Variants in CCDC171 observed in about 807,000 individuals in gnomAD.
The protein encoded by CCDC171 is coiled-coil domain containing 171.
Under a neutral mutation model 168.2 loss-of-function variants are expected in CCDC171, and 177 were observed. That is an observed-to-expected ratio of 1.05 (90% CI 0.93 to 1.19). The LOEUF is 1.19. Ranked by LOEUF, CCDC171 falls within the 50% of genes most tolerant of loss-of-function variation. The pLI is 0.00. For missense variants in CCDC171, 1,991 were observed against 1,539.0 expected (o/e 1.29, Z -4.91); for synonymous variants, 687 against 540.8 (o/e 1.27, Z -3.75).
At position 15,868,664 on chromosome 9, in the gene CCDC171, A is replaced by T. The variant is rs142470864; in HGVS notation, c.3469-5868A>T. 1.1e-3 allele frequency among the ~76,000 whole-genome samples: 160 copies of T among 152,122 alleles called. 3 individuals carry two copies. Among genetic ancestry groups the T allele is most frequent in the Admixed American group, 3.3e-3 (50 of 15,244 alleles). Reference sequence around the variant, plus strand: ...CAGACAATAGATATAAAGAAAAAAGATAGGGAAATGGAAGTACCAAAATCT... The same window carrying T: ...CAGACAATAGATATAAAGAAAAAAGTTAGGGAAATGGAAGTACCAAAATCT... On this transcript the variant is annotated intron_variant, in intron 23 of 25. Transcript: ENST00000380701.
chr9:16,042,301 G>T (rs982600663), upstream of CCDC171, among the ~76,000 whole-genome samples: 1 of 152,178 alleles, frequency 6.6e-6, no homozygotes, highest in Non-Finnish European at 1.5e-5. Flanking sequence ...CTGGGAATGA[G>T]GCATGAAAGA....
At chr9:15,651,255 C>T (rs1334399019) in intron 7 of CCDC171, among the ~76,000 whole-genome samples, 4 of 151,850 alleles carry the variant, frequency 2.6e-5, no homozygotes, top group East Asian at 3.9e-4. Context: ...ATTACAGGTG[C>T]CCGCTACGAC....
chr9:15,646,536 A>G (rs1342347365), intron 7 of CCDC171, among the ~76,000 whole-genome samples: 1 of 152,254 alleles, frequency 6.6e-6, no homozygotes, highest in Non-Finnish European at 1.5e-5. Context: ...ACATAGCCTT[A>G]AAATGAAGGG....
intron 11 of CCDC171, among the ~76,000 whole-genome samples, chr9:15,700,206 C>T (rs542948611): frequency 3.9e-5 from 6 of 152,310 alleles, no homozygotes; most frequent in South Asian, 2.1e-4. Flanking sequence ...AGCTAAGGCC[C>T]GGTGAGAAAT....
rs771623782 is a variant in CCDC171 at position 15,623,366 on chromosome 9, C to A, written c.775C>A (p.Leu259Ile). Reference sequence around the variant, plus strand: ...CCTTTTACGGCGACAAACAAGTGAACTTGAATTTAGCACTCAACGAGAGGA... The same window carrying A: ...CCTTTTACGGCGACAAACAAGTGAAATTGAATTTAGCACTCAACGAGAGGA... ...SDLLRRQTSE[L>I]EFSTQREERL... The change falls in exon 7 of 26, where the codon CTT becomes ATT. Residue 259 changes from leucine to isoleucine, a missense_variant. Leu to Ile is a conservative substitution (Grantham distance 5, BLOSUM62 2). Transcript: ENST00000380701. 1.2e-6 allele frequency: 2 copies of A among 1,612,112 alleles called. No homozygotes were observed. The highest frequency in any genetic ancestry group is 3.3e-5 in the Admixed American group (2 of 59,860).
intron 7 of CCDC171, among the ~76,000 whole-genome samples, chr9:15,649,401 A>T (rs2047318912): frequency 1.3e-5 from 2 of 152,242 alleles, no homozygotes; most frequent in Admixed American, 1.3e-4. Context: ...GACAAATGGG[A>T]TCTAATTAAA....
At chr9:15,657,532 A>C (rs910365846) in intron 8 of CCDC171, among the ~76,000 whole-genome samples, 13 of 152,144 alleles carry the variant, frequency 8.5e-5, no homozygotes, top group Admixed American at 2.6e-4. Context: ...TCTGCAAAGA[A>C]ATTTGCAGAT....
chr9:16,075,250 A>G, the CCDC171 span, among the ~76,000 whole-genome samples: 4 of 152,180 alleles, frequency 2.6e-5, no homozygotes, highest in African/African-American at 9.6e-5. Context: ...CTAATTCGTT[A>G]TTTGGCTGTA....
At chr9:15,880,001 A>G (rs1338330850) in intron 24 of CCDC171, among the ~76,000 whole-genome samples, 1 of 152,136 alleles carries the variant, frequency 6.6e-6, no homozygotes, top group Non-Finnish European at 1.5e-5. Flanking sequence ...ATAATAGAAG[A>G]AAGTTTTTTC....
chr9:15,684,757 T>C (rs1298338808), intron 10 of CCDC171, among the ~76,000 whole-genome samples: 1 of 152,166 alleles, frequency 6.6e-6, no homozygotes, highest in African/African-American at 2.4e-5. Flanking sequence ...TAGTTTGTTA[T>C]CTCATTTTTC....
chr9:15,841,123 T>G (rs1393726720), intron 21 of CCDC171, among the ~76,000 whole-genome samples: 1 of 152,102 alleles, frequency 6.6e-6, no homozygotes, highest in Non-Finnish European at 1.5e-5. Flanking sequence ...GAATTTCCAT[T>G]GCTCATTTGC....
chr9:15,984,214 C>G (rs921687738), intron 3 of CCDC171, among the ~76,000 whole-genome samples: 3 of 49,754 alleles, frequency 6.0e-5, no homozygotes, highest in African/African-American at 1.0e-4. Context: ...CTGCTGTGGT[C>G]AATGAGAAAG....
At chr9:15,602,647 C>CTTTTTTTTTTTTTTTTTTTTTT (rs1161286304) in intron 6 of CCDC171, among the ~76,000 whole-genome samples, 468 of 30,174 alleles carry the variant, frequency 0.016, 24 homozygotes, top group Non-Finnish European at 0.018. Context: ...TTTTTTTTTT[C>CTTTTTTTTTTTTTTTTTTTTTT]TTTTTTTTTT....
At chr9:15,704,173 TTAAA>T (rs2052024710) in intron 11 of CCDC171, among the ~76,000 whole-genome samples, 1 of 136,716 alleles carries the variant, frequency 7.3e-6, no homozygotes, top group African/African-American at 2.7e-5. Flanking sequence ...AAAATCTACT[TTAAA>T]TAGTGACATT....
intron 15 of CCDC171, 54 bp from the exon 16 acceptor site, chr9:15,729,556 A>G: frequency 1.7e-6 from 2 of 1,196,528 alleles, no homozygotes; most frequent in Non-Finnish European, 2.3e-6. Flanking sequence ...GGGAGATGAC[A>G]CAAAGAAATA....
rs562209564 is a variant in CCDC171, at chr9:15,629,356, A to G, written c.822+5943A>G. Reference sequence around the variant, plus strand: ...AAGGAGGTGATGGAGCTGAAAGCCAAGGCTCGAGAACTACGTGAAGAATGC... The same window carrying G: ...AAGGAGGTGATGGAGCTGAAAGCCAGGGCTCGAGAACTACGTGAAGAATGC... On this transcript the variant is annotated intron_variant, in intron 7 of 25. Coordinates refer to ENST00000380701, the MANE Select transcript of CCDC171 (RefSeq NM_173550.4). Among the ~76,000 whole-genome samples the G allele has an allele frequency of 9.2e-5, 14 of 152,350 alleles. No homozygotes were observed. In the East Asian group the frequency reaches 2.7e-3, roughly 29 times the overall value.
At chr9:15,643,082 C>T (rs1473507608) in intron 7 of CCDC171, among the ~76,000 whole-genome samples, 5 of 151,168 alleles carry the variant, frequency 3.3e-5, no homozygotes, top group South Asian at 2.1e-4. Flanking sequence ...AAATTTATTT[C>T]CATAGGTTTT....
chr9:15,632,015 G>T (rs376779951), intron 7 of CCDC171, among the ~76,000 whole-genome samples: 1 of 152,062 alleles, frequency 6.6e-6, no homozygotes. Flanking sequence ...TTGATGGGAC[G>T]TGTCTCAAAA....
chr9:15,696,514 G>A (rs1159107268), intron 11 of CCDC171, among the ~76,000 whole-genome samples: 1 of 152,142 alleles, frequency 6.6e-6, no homozygotes, highest in African/African-American at 2.4e-5. Flanking sequence ...CAGGTATCCA[G>A]TTTCAATTAT....
Sources: gnomAD v4.1 joint callset for allele counts (sites outside exome capture counted in the v4.1 genomes callset) on GRCh38, gnomAD v4.1.1 for gene constraint, MANE v1.5 for transcripts, NCBI Gene and HGNC (gene_info 2026-07-23, HGNC 2026-07-21) for gene names.